The following CTNNA3 variants were observed in gnomAD, a reference collection of about 807,000 sequenced individuals.
CTNNA3 encodes the protein catenin alpha-3.
CTNNA3 carries 76 observed loss-of-function variants against 95.7 expected under a neutral mutation model. The ratio of observed to expected loss-of-function variants is 0.79; its 90% confidence interval spans 0.66 to 0.96. The LOEUF (loss-of-function observed/expected upper bound fraction) is 0.96, where lower values mean the gene tolerates loss of function less well. Among genes scored for constraint, CTNNA3 ranks in the 40% least tolerant of loss-of-function variants. The pLI, the probability that CTNNA3 is intolerant of heterozygous loss-of-function variation, is 0.00. For synonymous variants in CTNNA3, 431 were observed against 374.4 expected (o/e 1.15, Z -1.74); for missense variants, 1,191 against 1,089.8 (o/e 1.09, Z -1.31).
rs575356217 is a variant in CTNNA3, at chr10:66,105,661, C to T, written c.1885-2412G>A. Among the ~76,000 whole-genome samples, 89 of 152,304 alleles carry T rather than the reference C, an allele frequency of 5.8e-4. 1 individual carries two copies. The highest frequency in any genetic ancestry group is 6.8e-3 in the Middle Eastern group (2 of 294). Reference sequence around the variant, plus strand: ...TAAGCCTACCATTTACACCCACATACTTCTGTGTTTTTCTTTGTGTTTAAC... The same window carrying T: ...TAAGCCTACCATTTACACCCACATATTTCTGTGTTTTTCTTTGTGTTTAAC... On this transcript the variant is annotated intron_variant, in intron 13 of 17. Coordinates refer to ENST00000433211, the MANE Select transcript of CTNNA3 (RefSeq NM_013266.4).
intron 12 of CTNNA3, among the ~76,000 whole-genome samples, chr10:66,284,116 C>G (rs2091542103): frequency 6.6e-6 from 1 of 151,904 alleles, no homozygotes; most frequent in East Asian, 1.9e-4. Context: ...GGTCAACACC[C>G]CGGCGACTTC....
chr10:66,878,131 T>C (rs1844696425), intron 7 of CTNNA3, among the ~76,000 whole-genome samples: 1 of 152,172 alleles, frequency 6.6e-6, no homozygotes, highest in Non-Finnish European at 1.5e-5. Context: ...ACCACTTCCA[T>C]TGTCCCTTCA....
intron 7 of CTNNA3, among the ~76,000 whole-genome samples, chr10:66,835,805 T>G (rs771041052): frequency 6.6e-6 from 1 of 152,168 alleles, no homozygotes; most frequent in Non-Finnish European, 1.5e-5. Flanking sequence ...ATTATCATAT[T>G]TTAGCATACA....
At chr10:65,955,230 T>C (rs148242092) in intron 17 of CTNNA3, among the ~76,000 whole-genome samples, 53 of 152,346 alleles carry the variant, frequency 3.5e-4, no homozygotes, top group Non-Finnish European at 7.2e-4. Flanking sequence ...TTTTTGCACA[T>C]TGAATTTGTA....
At chr10:66,248,224 C>A (rs2090414645) in intron 13 of CTNNA3, among the ~76,000 whole-genome samples, 1 of 151,054 alleles carries the variant, frequency 6.6e-6, no homozygotes, top group Non-Finnish European at 1.5e-5. Flanking sequence ...TTCATAGTAA[C>A]CTCAAATCAA....
At chr10:67,452,553 C>T (rs539609732) in intron 5 of CTNNA3, among the ~76,000 whole-genome samples, 8 of 152,234 alleles carry the variant, frequency 5.3e-5, no homozygotes, top group Non-Finnish European at 7.4e-5. Context: ...TCAAAAACTA[C>T]GTTTAATGTT....
intron 11 of CTNNA3, among the ~76,000 whole-genome samples, chr10:66,446,015 A>G (rs1400004249): frequency 6.6e-6 from 1 of 152,210 alleles, no homozygotes; most frequent in Non-Finnish European, 1.5e-5. Context: ...CCACAGAAAT[A>G]CAAACTACCA....
At chr10:66,382,282 C>T (rs190020244) in intron 11 of CTNNA3, among the ~76,000 whole-genome samples, 180 of 152,306 alleles carry the variant, frequency 1.2e-3, no homozygotes, top group African/African-American at 4.2e-3. Flanking sequence ...GATTCTCTCC[C>T]ATGCCTGGCT....
intron 10 of CTNNA3, among the ~76,000 whole-genome samples, chr10:66,582,876 T>C (rs1377393902): frequency 6.6e-6 from 1 of 151,884 alleles, no homozygotes; most frequent in Non-Finnish European, 1.5e-5. Flanking sequence ...GAATGCTTTT[T>C]CTGCATCTAT....
At chr10:67,159,830 C>A (rs543981128) in intron 7 of CTNNA3, among the ~76,000 whole-genome samples, 60 of 152,086 alleles carry the variant, frequency 3.9e-4, no homozygotes, top group African/African-American at 1.4e-3. Flanking sequence ...TTGGGTATGA[C>A]TCCAAAAGCA....
intron 9 of CTNNA3, among the ~76,000 whole-genome samples, chr10:66,749,004 T>A (rs1305235504): frequency 1.4e-5 from 2 of 145,698 alleles, no homozygotes; most frequent in Non-Finnish European, 3.0e-5. Context: ...AAACCCCATC[T>A]CTTCCAAAAA....
At chr10:66,091,578 T>C (rs1028528436) in intron 14 of CTNNA3, among the ~76,000 whole-genome samples, 2 of 151,868 alleles carry the variant, frequency 1.3e-5, no homozygotes, top group Non-Finnish European at 2.9e-5. Context: ...ATTTGCTATC[T>C]AATAGGGAGA....
intron 5 of CTNNA3, among the ~76,000 whole-genome samples, chr10:67,511,044 T>TATCCTGAG (rs1321478283): frequency 6.6e-6 from 1 of 152,234 alleles, no homozygotes; most frequent in Non-Finnish European, 1.5e-5. Flanking sequence ...ATTGATTTTG[T>TATCCTGAG]ATCCTGAGAC....
At chr10:67,449,160 C>T (rs893733483) in intron 5 of CTNNA3, among the ~76,000 whole-genome samples, 3 of 151,992 alleles carry the variant, frequency 2.0e-5, no homozygotes, top group African/African-American at 4.8e-5. Context: ...AATTACAAAA[C>T]ACTGCTCAAA....
chr10:67,634,740 C>T (rs1344165675), intron 2 of CTNNA3, among the ~76,000 whole-genome samples: 1 of 152,162 alleles, frequency 6.6e-6, no homozygotes, highest in Non-Finnish European at 1.5e-5. Context: ...AAGGGCATTA[C>T]ATAATGATAA....
intron 3 of CTNNA3, among the ~76,000 whole-genome samples, chr10:67,557,397 T>C (rs1220540135): frequency 6.6e-6 from 1 of 152,212 alleles, no homozygotes; most frequent in Non-Finnish European, 1.5e-5. Flanking sequence ...GCATTCAATT[T>C]ATCCAGCCTC....
At chr10:67,527,172 G>C (rs1840170652) in intron 4 of CTNNA3, among the ~76,000 whole-genome samples, 1 of 152,094 alleles carries the variant, frequency 6.6e-6, no homozygotes, top group East Asian at 1.9e-4. Flanking sequence ...CAAGAGAATT[G>C]CTTGAGCCCA....
At chr10:67,726,438 TAA>T in intron 1 of CTNNA3, among the ~76,000 whole-genome samples, 1 of 71,630 alleles carries the variant, frequency 1.4e-5, no homozygotes, top group East Asian at 5.1e-4. Flanking sequence ...ATATCATATA[TAA>T]TATATAATAT....
chr10:67,448,904 G>T (rs1838978046), intron 5 of CTNNA3, among the ~76,000 whole-genome samples: 1 of 149,564 alleles, frequency 6.7e-6, no homozygotes, highest in Admixed American at 6.7e-5. Flanking sequence ...TCTATAGGTG[G>T]CAGATGACAT....
Sources: allele counts gnomAD v4.1 joint callset (sites outside exome capture counted in the v4.1 genomes callset), GRCh38; gene constraint gnomAD v4.1.1; transcripts MANE v1.5; gene names NCBI Gene and HGNC (gene_info 2026-07-23, HGNC 2026-07-21).